Variants in IL4R observed in about 807,000 individuals in gnomAD.
The protein encoded by IL4R is interleukin 4 receptor, also known as interleukin-4 receptor subunit alpha.
A neutral mutation model predicts 41.5 loss-of-function variants in IL4R; 17 were observed. The observed-to-expected ratio is 0.41, with a 90% confidence interval of 0.28 to 0.61. The LOEUF (loss-of-function observed/expected upper bound fraction) is 0.61, where lower values mean the gene tolerates loss of function less well. Among genes scored for constraint, IL4R ranks in the 20% least tolerant of loss-of-function variants. The pLI is 0.31. For synonymous variants in IL4R, 402 were observed against 422.9 expected (o/e 0.95, Z 0.61); for missense variants, 974 against 1,043.1 (o/e 0.93, Z 0.91).
Position 27,346,618 on chromosome 16 carries a change from T to C in IL4R, c.513T>C (p.Asp171=), listed in dbSNP as rs376294283. 11 of 1,613,846 alleles carry C rather than the reference T, an allele frequency of 6.8e-6. No homozygotes were observed. In the African/African-American group the frequency reaches 8.0e-5, roughly 12 times the overall value. The change falls in exon 6 of 11, where the codon GAT becomes GAC. Residue 171 remains aspartate (D), a splice_region_variant and synonymous_variant. Coordinates refer to ENST00000395762, the MANE Select transcript of IL4R (RefSeq NM_000418.4). ...TTTGGAGTGAAAACGACCCGGCAGA[T>C]GTGAGTGGGCATGCTTTGACGTTTT... is the stretch of plus-strand genomic sequence containing the variant. ...VNIWSENDPA[D]FRIYNVTYLE...
Position 27,362,654 on chromosome 16 carries a change from A to G in IL4R, c.1302A>G (p.Pro434=). The G allele has an allele frequency of 1.2e-6, 2 of 1,613,992 alleles. No homozygotes were observed. The highest frequency in any genetic ancestry group is 1.7e-6 in the Non-Finnish European group (2 of 1,179,964). ...ACATGGGGGAGTCATGCCTTCTTCC[A>G]CCTTCGGGAAGTACGAGTGCTCACA... ...QQDMGESCLL[P]PSGSTSAHMP... Residue 434 remains proline (P), a synonymous_variant, in exon 11 of 11, where the codon CCA becomes CCG. Coordinates refer to ENST00000395762, the MANE Select transcript of IL4R (RefSeq NM_000418.4).
chr16:27,352,165 C>T lies in IL4R; in HGVS notation c.514-375C>T, dbSNP rs887426907. On this transcript the variant is annotated intron_variant, in intron 6 of 10. Coordinates refer to ENST00000395762, the MANE Select transcript of IL4R (RefSeq NM_000418.4). Reference sequence around the variant, plus strand: ...GAAGGGAGATAGGCACTTTTATTATCTTCATTTTGCAGATGAGGACATTGA... The same window carrying T: ...GAAGGGAGATAGGCACTTTTATTATTTTCATTTTGCAGATGAGGACATTGA... 4.6e-5 allele frequency among the ~76,000 whole-genome samples: 7 copies of T among 152,314 alleles called. No individual in the cohort carries two copies. The East Asian group carries it at 5.8e-4, about 13-fold the overall frequency.
intron 8 of IL4R, among the ~76,000 whole-genome samples, chr16:27,356,335 C>T (rs998969014): frequency 6.6e-6 from 1 of 152,064 alleles, no homozygotes; most frequent in Non-Finnish European, 1.5e-5. Context: ...TCATGATCTG[C>T]CTGCCTCAGC....
At chr16:27,329,141 CCT>C (rs989099535) in intron 1 of IL4R, among the ~76,000 whole-genome samples, 30 of 152,038 alleles carry the variant, frequency 2.0e-4, no homozygotes, top group Non-Finnish European at 3.8e-4. Flanking sequence ...GCACCTCCCT[CCT>C]CTCTCTTGCC....
chr16:27,344,843 GCCTAACCCAGCCCCTGTGTCTGCAGA>G lies in IL4R; in HGVS notation c.210-25_210del. ...GGCCCAGCCAGCCTACAGGTGACCAGCCTAACCCAGCCCCTGTGTCTGCAGAGCCCACACGTGTATCCCTGAGAACA... is the reference window on the plus strand; with the variant it reads ...GGCCCAGCCAGCCTACAGGTGACCAGGCCCACACGTGTATCCCTGAGAACA... On this transcript the variant is annotated splice_acceptor_variant and splice_polypyrimidine_tract_variant and coding_sequence_variant and intron_variant, in exon 5 of 11. Transcript: ENST00000395762. LOFTEE classifies it high-confidence loss of function. 6.2e-7 allele frequency: 1 copy of G among 1,613,068 alleles called. No homozygotes were observed. Among genetic ancestry groups the G allele is most frequent in the Non-Finnish European group, 8.5e-7 (1 of 1,179,506 alleles).
intron 2 of IL4R, among the ~76,000 whole-genome samples, chr16:27,331,553 C>T (rs1358952719): frequency 6.6e-6 from 1 of 152,134 alleles, no homozygotes; most frequent in East Asian, 1.9e-4. Context: ...GAGGGCAGAG[C>T]TTTCCAGGTA....
At chr16:27,330,438 G>A (rs986580761) in intron 2 of IL4R, among the ~76,000 whole-genome samples, 1 of 151,696 alleles carries the variant, frequency 6.6e-6, no homozygotes, top group Non-Finnish European at 1.5e-5. Flanking sequence ...AGAGACCCCT[G>A]CTTCTATGCT....
At chr16:27,327,814 T>C (rs777459915) in intron 1 of IL4R, among the ~76,000 whole-genome samples, 7 of 152,076 alleles carry the variant, frequency 4.6e-5, no homozygotes, top group Non-Finnish European at 8.8e-5. Context: ...GAGAACCAAA[T>C]TGATTAATAT....
intron 1 of IL4R, among the ~76,000 whole-genome samples, chr16:27,324,813 C>T (rs1260008821): frequency 6.6e-6 from 1 of 152,314 alleles, no homozygotes; most frequent in African/African-American, 2.4e-5. Context: ...AGCGCGTGGT[C>T]TTCCCCAGCA....
chr16:27,319,850 T>C (rs991951252), intron 1 of IL4R, among the ~76,000 whole-genome samples: 1 of 152,132 alleles, frequency 6.6e-6, no homozygotes, highest in African/African-American at 2.4e-5. Context: ...ACTGCACATG[T>C]GAGGGATCTG....
chr16:27,317,083 T>G (rs1398729166), intron 1 of IL4R, among the ~76,000 whole-genome samples: 1 of 152,132 alleles, frequency 6.6e-6, no homozygotes, highest in Non-Finnish European at 1.5e-5. Flanking sequence ...GTTTTTATAT[T>G]TTTAGAGACA....
chr16:27,323,270 T>C (rs548080569), intron 1 of IL4R, among the ~76,000 whole-genome samples: 105 of 152,356 alleles, frequency 6.9e-4, no homozygotes, highest in Non-Finnish European at 1.3e-3. Context: ...GGCCAGATTC[T>C]AAATTCCTAC....
chr16:27,345,520 A>G lies in IL4R; in HGVS notation c.361+500A>G, dbSNP rs2085610972. On this transcript the variant is annotated intron_variant, in intron 5 of 10. Transcript: ENST00000395762. This position sits in a 1 kb window ranked among gnomAD's most constrained non-coding sequence, Gnocchi z 4.5. ...GTATTCCAGTGATGCATGATATGAC[A>G]TGCATCACAGGAATAAAAACCTGAG... 2 of 250,862 alleles carry G rather than the reference A, an allele frequency of 8.0e-6. No individual in the cohort carries two copies. Among genetic ancestry groups the G allele is most frequent in the African/African-American group, 2.2e-5 (1 of 45,138 alleles). The allele number at this position is 250,862 out of a possible 1,614,324, so 15.5% of individuals were successfully genotyped here. A position where few individuals can be genotyped will look rare whatever the true frequency, so the allele number is the denominator to read the frequency against.
At chr16:27,357,627 C>G (rs1239920949) in intron 8 of IL4R, among the ~76,000 whole-genome samples, 1 of 151,808 alleles carries the variant, frequency 6.6e-6, no homozygotes. Context: ...CGACACCCAG[C>G]TAATTTTTGT....
intron 6 of IL4R, among the ~76,000 whole-genome samples, chr16:27,351,787 T>A (rs1405456898): frequency 6.6e-6 from 1 of 152,168 alleles, no homozygotes; most frequent in Admixed American, 6.5e-5. Flanking sequence ...AGTGCTGGGA[T>A]TACAGGCATG....
chr16:27,342,109 G>T lies in IL4R; in HGVS notation c.71-12G>T. On this transcript the variant is annotated splice_polypyrimidine_tract_variant and intron_variant, in intron 3 of 10. Coordinates refer to ENST00000395762, the MANE Select transcript of IL4R (RefSeq NM_000418.4). ...TTCCTGGGCCGCTCAGGCTGCTCCT[G>T]TGTCTCCCCAGGGAACATGAAGGTC... 2 of 1,613,620 alleles carry T rather than the reference G, an allele frequency of 1.2e-6. No individual in the cohort carries two copies. Among genetic ancestry groups the T allele is most frequent in the Non-Finnish European group, 1.7e-6 (2 of 1,179,806 alleles).
chr16:27,358,562 C>T (rs1472902912), intron 8 of IL4R, among the ~76,000 whole-genome samples: 1 of 152,218 alleles, frequency 6.6e-6, no homozygotes, highest in Non-Finnish European at 1.5e-5. Flanking sequence ...AGAATCCTCT[C>T]TCTGCAGTTT....
Position 27,341,254 on chromosome 16 carries a change from A to G in IL4R, c.71-867A>G, listed in dbSNP as rs1448562295. ...AGGATGACTCCAAGATTTCTGACCT[A>G]AACTACTGGGAAGGACGCGGTTGTC... On this transcript the variant is annotated intron_variant, in intron 3 of 10. Coordinates refer to ENST00000395762, the MANE Select transcript of IL4R (RefSeq NM_000418.4). 6 of 654,658 alleles carry G rather than the reference A, an allele frequency of 9.2e-6. 1 individual carries two copies. In the South Asian group the frequency reaches 9.9e-5, roughly 11 times the overall value. The allele number at this position is 654,658 out of a possible 1,614,324, so 40.6% of individuals were successfully genotyped here.
intron 9 of IL4R, chr16:27,359,843 C>G (rs767759964): frequency 2.2e-6 from 1 of 455,462 alleles, no homozygotes; most frequent in African/African-American, 2.0e-5. Context: ...CAAACGACCC[C>G]GAAATGTAGA....
Sources: allele counts gnomAD v4.1 joint callset (sites outside exome capture counted in the v4.1 genomes callset), GRCh38; gene constraint gnomAD v4.1.1; non-coding constraint Gnocchi (gnomAD v3.1); transcripts MANE v1.5; gene names NCBI Gene and HGNC (gene_info 2026-07-23, HGNC 2026-07-21).